Variants in HDAC9 observed in about 807,000 individuals in gnomAD.
HDAC9 encodes the protein MEF-2 interacting transcription repressor (MITR) protein.
In HDAC9, 41 loss-of-function variants were observed where a neutral mutation model predicts 139.4. That is an observed-to-expected ratio of 0.29 (90% CI 0.23 to 0.38). HDAC9 has a LOEUF of 0.38. HDAC9 is among the 10% of genes least tolerant of loss of function. HDAC9 has a pLI of 1.00. For missense variants in HDAC9, 1,147 were observed against 1,297.0 expected, an observed-to-expected ratio of 0.88 and a Z score of 1.78; for synonymous variants, 517 against 476.2, an observed-to-expected ratio of 1.09 and a Z score of -1.12.
intron 1 of HDAC9, among the ~76,000 whole-genome samples, chr7:18,145,941 A>AAG (rs1786287391): frequency 6.6e-6 from 1 of 152,166 alleles, no homozygotes; most frequent in African/African-American, 2.4e-5. Context: ...GACCCCACAA[A>AAG]AGAGGTCAAT....
chr7:18,275,755 C>T lies in HDAC9; in HGVS notation c.25+113406C>T, dbSNP rs966719306. On this transcript the variant is annotated intron_variant, in intron 2 of 12. Transcript: ENST00000417496. ...TCCTCGGGTGTTTTCTCAGAAGTCA[C>T]CATACCACTGAGCCCTTCACTAGCC... Among the ~76,000 whole-genome samples, 13 of 152,264 alleles carry T rather than the reference C, an allele frequency of 8.5e-5. No homozygotes were observed. The East Asian group carries it at 2.5e-3, about 29-fold the overall frequency.
Position 18,692,918 on chromosome 7 carries a change from A to G in HDAC9, c.1731+26442A>G, listed in dbSNP as rs192988548. ...GTTTGTAGTAAAAGAAAATTGTCAT[A>G]TTCAGTAGCCGATGATAAATACATT... is the stretch of plus-strand genomic sequence containing the variant. On this transcript the variant is annotated intron_variant, in intron 12 of 25. Coordinates refer to ENST00000686413, the MANE Select transcript of HDAC9 (RefSeq NM_178425.4). 3.3e-5 allele frequency among the ~76,000 whole-genome samples: 5 copies of G among 152,254 alleles called. No individual in the cohort carries two copies. The East Asian group carries it at 9.7e-4, about 29-fold the overall frequency.
chr7:18,842,946 A>G (rs911486493), intron 21 of HDAC9, among the ~76,000 whole-genome samples: 1 of 152,112 alleles, frequency 6.6e-6, no homozygotes, highest in Non-Finnish European at 1.5e-5. Flanking sequence ...TTGAAAGGGA[A>G]GTGATATCTG....
chr7:18,612,711 T>C (rs1273138766), intron 6 of HDAC9, among the ~76,000 whole-genome samples: 2 of 152,024 alleles, frequency 1.3e-5, no homozygotes. Flanking sequence ...AATCCAGATA[T>C]AGTGTTGAGT....
chr7:18,578,944 A>G (rs993849781), intron 2 of HDAC9, among the ~76,000 whole-genome samples: 1 of 152,236 alleles, frequency 6.6e-6, no homozygotes, highest in Admixed American at 6.5e-5. Context: ...CCTAATCAGT[A>G]TTGAGTATTG....
intron 22 of HDAC9, among the ~76,000 whole-genome samples, chr7:18,909,545 T>C (rs889526719): frequency 1.3e-5 from 2 of 152,092 alleles, no homozygotes; most frequent in African/African-American, 4.8e-5. Flanking sequence ...AAGTAATTAA[T>C]CCATTTTAAG....
rs6957089 is a variant in HDAC9, at chr7:18,183,191, A to C, written c.25+20842A>C. On this transcript the variant is annotated intron_variant, in intron 2 of 12. Coordinates refer to the HDAC9 transcript ENST00000417496. ...CACCCGGCTAATTTTTTGTATTTTT[A>C]GTAGAGACGGGGTTTCACCGTGTTA... Among the ~76,000 whole-genome samples, 943 of 152,068 alleles carry C rather than the reference A, an allele frequency of 6.2e-3. 8 individuals are homozygous for C. The highest frequency in any genetic ancestry group is 0.021 in the African/African-American group (889 of 41,472).
chr7:18,443,043 G>C (rs555798395), intron 1 of HDAC9, among the ~76,000 whole-genome samples: 1 of 152,116 alleles, frequency 6.6e-6, no homozygotes, highest in Non-Finnish European at 1.5e-5. Context: ...ATTTGCTAGG[G>C]TATCATAAAC....
chr7:18,241,698 A>C (rs530705510), intron 2 of HDAC9, among the ~76,000 whole-genome samples: 14 of 152,228 alleles, frequency 9.2e-5, no homozygotes, highest in Non-Finnish European at 2.1e-4. Context: ...CCTGCAAGCC[A>C]AGTTTCAGTG....
chr7:18,828,560 G>A (rs1795624531), intron 17 of HDAC9, among the ~76,000 whole-genome samples: 2 of 152,180 alleles, frequency 1.3e-5, no homozygotes, highest in Admixed American at 6.5e-5. Context: ...ATCCAATAAA[G>A]TTGCAAGTCT....
chr7:18,683,563 T>C (rs919425086), intron 12 of HDAC9, among the ~76,000 whole-genome samples: 3 of 152,124 alleles, frequency 2.0e-5, no homozygotes, highest in African/African-American at 7.2e-5. Flanking sequence ...TGACCTCTGT[T>C]ATCCACTGGG....
At position 18,590,428 on chromosome 7, in the gene HDAC9, G is replaced by A. The variant is rs781244633; in HGVS notation, c.357G>A (p.Glu119=). 9 of 1,608,242 alleles carry A rather than the reference G, an allele frequency of 5.6e-6. No homozygotes were observed. The South Asian group carries it at 8.9e-5, about 16-fold the overall frequency. The change falls in exon 4 of 26, where the codon GAG becomes GAA. Residue 119 remains glutamate, a synonymous_variant. Coordinates refer to ENST00000686413, the MANE Select transcript of HDAC9 (RefSeq NM_178425.4). ...AGCAGAGGCAAGAACAGGAAGTAGA[G>A]AGGCATCGCAGAGAACAGCAGCTTC... ...LEQQRQEQEV[E]RHRREQQLPP...
rs372871388 is a variant in HDAC9 at position 18,182,910 on chromosome 7, C to T, written c.25+20561C>T. ...AAGCATCACCTTATCAATTAAAAAA[C>T]GGAAGAAAGAGAGAAGAGTAGAGGG... is the stretch of plus-strand genomic sequence containing the variant. On this transcript the variant is annotated intron_variant, in intron 2 of 12. Transcript: ENST00000417496. Among the ~76,000 whole-genome samples the T allele has an allele frequency of 2.6e-5, 4 of 151,982 alleles. No homozygotes were observed. In the East Asian group the frequency reaches 5.8e-4, roughly 22 times the overall value.
intron 8 of HDAC9, among the ~76,000 whole-genome samples, chr7:18,640,357 T>TTAAA (rs1182761789): frequency 4.7e-4 from 31 of 66,082 alleles, no homozygotes; most frequent in African/African-American, 6.4e-4. Context: ...GATCCTGTCT[T>TTAAA]AAAAAAAAAA....
intron 11 of HDAC9, among the ~76,000 whole-genome samples, chr7:18,649,065 G>T (rs1023099216): frequency 1.3e-5 from 2 of 152,140 alleles, no homozygotes; most frequent in African/African-American, 4.8e-5. Flanking sequence ...ATGACAGATA[G>T]GCCAAGATTA....
chr7:18,465,401 CTG>C (rs1335470813), intron 1 of HDAC9, among the ~76,000 whole-genome samples: 1 of 151,938 alleles, frequency 6.6e-6, no homozygotes, highest in Non-Finnish European at 1.5e-5. Flanking sequence ...AAGTCCTTCA[CTG>C]TGATCCTTCA....
chr7:18,452,960 G>T (rs976647339), intron 1 of HDAC9, among the ~76,000 whole-genome samples: 2 of 151,996 alleles, frequency 1.3e-5, no homozygotes, highest in Non-Finnish European at 2.9e-5. Flanking sequence ...TATAAACTAG[G>T]ATGCTCTATC....
At chr7:18,947,820 G>T (rs906943878) in intron 23 of HDAC9, among the ~76,000 whole-genome samples, 2 of 151,820 alleles carry the variant, frequency 1.3e-5, no homozygotes, top group African/African-American at 2.4e-5. Context: ...TATTATAAGA[G>T]AATATTTCTC....
intron 19 of HDAC9, 73 bp from the exon 20 acceptor site, chr7:18,835,394 A>G (rs1796162128): frequency 6.9e-7 from 1 of 1,455,724 alleles, no homozygotes; most frequent in Admixed American, 2.3e-5. Context: ...ACAGGGAACT[A>G]GAAATCAGAA....
Sources: gnomAD v4.1 joint callset for allele counts (sites outside exome capture counted in the v4.1 genomes callset) on GRCh38, gnomAD v4.1.1 for gene constraint, MANE v1.5 for transcripts, NCBI Gene and HGNC (gene_info 2026-07-23, HGNC 2026-07-21) for gene names.